Variants in CSMD1 observed in about 807,000 individuals in gnomAD.
CSMD1 encodes CUB and Sushi multiple domains 1.
Under a neutral mutation model 417.5 loss-of-function variants are expected in CSMD1, and 213 were observed. The ratio of observed to expected loss-of-function variants is 0.51; its 90% CI spans 0.46 to 0.57. CSMD1 has a LOEUF of 0.57. Among genes scored for constraint, CSMD1 ranks in the 20% least tolerant of loss-of-function variants. The pLI is 0.00. For missense variants in CSMD1, 6,923 were observed against 4,529.7 expected, an observed-to-expected ratio of 1.53 and a Z score of -15.17; for synonymous variants, 2,862 against 1,736.8, an observed-to-expected ratio of 1.65 and a Z score of -16.11.
intron 2 of CSMD1, among the ~76,000 whole-genome samples, chr8:4,465,084 G>C (rs1433930371): frequency 6.6e-6 from 1 of 152,088 alleles, no homozygotes; most frequent in Non-Finnish European, 1.5e-5. Context: ...ACCTGAAACG[G>C]AACGGTTTTC....
At chr8:4,732,935 C>T (rs900055558) in intron 1 of CSMD1, among the ~76,000 whole-genome samples, 1 of 151,904 alleles carries the variant, frequency 6.6e-6, no homozygotes, top group Non-Finnish European at 1.5e-5. Context: ...CGGGAGGCAG[C>T]AAGGGCGGAG....
At chr8:3,279,965 C>T (rs760924311) in intron 26 of CSMD1, among the ~76,000 whole-genome samples, 18 of 152,126 alleles carry the variant, frequency 1.2e-4, no homozygotes, top group African/African-American at 1.7e-4. Context: ...AGAACCTAAC[C>T]GTATCAGGAA....
rs371446976 is a variant in CSMD1, at chr8:4,196,457, C to A, written c.416-164358G>T. ...CTTTCTGAAGCCTCTTAGGGAAAATCTGTCCAATGCCGATTCAGGTGCTTT... is the reference window on the plus strand; with the variant it reads ...CTTTCTGAAGCCTCTTAGGGAAAATATGTCCAATGCCGATTCAGGTGCTTT... On this transcript the variant is annotated intron_variant, in intron 3 of 69. Coordinates refer to ENST00000635120, the MANE Select transcript of CSMD1 (RefSeq NM_033225.6). Among the ~76,000 whole-genome samples the A allele has an allele frequency of 2.4e-4, 37 of 152,256 alleles. 1 individual carries two copies. Among genetic ancestry groups the A allele is most frequent in the African/African-American group, 8.7e-4 (36 of 41,542 alleles).
chr8:3,158,485 A>C (rs1449291596), intron 38 of CSMD1, among the ~76,000 whole-genome samples: 2 of 152,140 alleles, frequency 1.3e-5, no homozygotes, highest in African/African-American at 4.8e-5. Context: ...CACAGAACGG[A>C]GACTTCACAT....
At chr8:4,844,328 A>T (rs963616584) in intron 1 of CSMD1, among the ~76,000 whole-genome samples, 11 of 152,040 alleles carry the variant, frequency 7.2e-5, no homozygotes, top group African/African-American at 2.7e-4. Context: ...TTATTGATAC[A>T]TTTTGTTTTT....
chr8:4,810,570 G>A (rs1249749625), intron 1 of CSMD1, among the ~76,000 whole-genome samples: 1 of 152,144 alleles, frequency 6.6e-6, no homozygotes, highest in South Asian at 2.1e-4. Context: ...TGTATGTGGG[G>A]GGTGGTGGCT....
At chr8:3,965,921 G>T (rs928977383) in intron 5 of CSMD1, among the ~76,000 whole-genome samples, 1 of 152,116 alleles carries the variant, frequency 6.6e-6, no homozygotes, top group Non-Finnish European at 1.5e-5. Context: ...CCGGCCAATG[G>T]TTATGATTTT....
chr8:4,922,944 A>G (rs888984835), intron 1 of CSMD1, among the ~76,000 whole-genome samples: 1 of 152,162 alleles, frequency 6.6e-6, no homozygotes, highest in Admixed American at 6.5e-5. Flanking sequence ...GTGTATATGC[A>G]TATTACACAC....
chr8:3,466,229 A>G (rs1046765277), intron 12 of CSMD1, among the ~76,000 whole-genome samples: 1 of 151,834 alleles, frequency 6.6e-6, no homozygotes, highest in Non-Finnish European at 1.5e-5. Flanking sequence ...GACGAGTCTG[A>G]TACACAAAGG....
chr8:3,220,456 A>G (rs1224776401), intron 28 of CSMD1, among the ~76,000 whole-genome samples: 1 of 152,132 alleles, frequency 6.6e-6, no homozygotes, highest in Admixed American at 6.6e-5. Context: ...AACTACGCAC[A>G]CTCTAAGAGA....
intron 1 of CSMD1, among the ~76,000 whole-genome samples, chr8:4,933,336 T>G (rs1032264589): frequency 5.9e-5 from 9 of 152,188 alleles, no homozygotes; most frequent in South Asian, 2.1e-4. Flanking sequence ...ATATGCCGTT[T>G]AAATATAGTA....
chr8:4,365,286 A>G (rs1434082147), intron 3 of CSMD1, among the ~76,000 whole-genome samples: 1 of 152,216 alleles, frequency 6.6e-6, no homozygotes, highest in Non-Finnish European at 1.5e-5. Flanking sequence ...TGTAAGTGTA[A>G]ATAAATTTAG....
intron 11 of CSMD1, among the ~76,000 whole-genome samples, chr8:3,469,409 G>A (rs997059892): frequency 6.6e-6 from 1 of 152,084 alleles, no homozygotes; most frequent in Non-Finnish European, 1.5e-5. Context: ...AAATAGATTT[G>A]GCAGCATTTA....
intron 1 of CSMD1, among the ~76,000 whole-genome samples, chr8:4,705,915 T>C (rs1224015466): frequency 6.6e-6 from 1 of 152,110 alleles, no homozygotes; most frequent in Non-Finnish European, 1.5e-5. Flanking sequence ...ACTAGGTCTA[T>C]TGTTGGTGCT....
intron 41 of CSMD1, among the ~76,000 whole-genome samples, chr8:3,132,739 C>T (rs911730683): frequency 6.6e-6 from 1 of 152,146 alleles, no homozygotes; most frequent in Non-Finnish European, 1.5e-5. Context: ...AACTATTCAC[C>T]ATATCATTCC....
At chr8:4,994,279 C>T in intron 1 of CSMD1, 53 bp downstream of exon 1, 2 of 1,539,132 alleles carry the variant, frequency 1.3e-6, no homozygotes, top group Non-Finnish European at 1.8e-6. Context: ...CGTCCGCACA[C>T]GGGGCCTCCG....
chr8:4,600,244 C>G (rs1037719180), intron 2 of CSMD1, among the ~76,000 whole-genome samples: 2 of 152,006 alleles, frequency 1.3e-5, no homozygotes, highest in African/African-American at 4.8e-5. Context: ...TCTACTCTCT[C>G]TCTCTCCCAC....
chr8:4,389,289 A>G (rs1244983870), intron 3 of CSMD1, among the ~76,000 whole-genome samples: 1 of 152,200 alleles, frequency 6.6e-6, no homozygotes. Flanking sequence ...GGAGAATTAG[A>G]AAATGCGATC....
At chr8:3,701,255 G>A (rs1188961927) in intron 7 of CSMD1, among the ~76,000 whole-genome samples, 1 of 152,158 alleles carries the variant, frequency 6.6e-6, no homozygotes, top group African/African-American at 2.4e-5. Context: ...TCTGGAATTG[G>A]ATCATCTCGG....
Sources: gnomAD v4.1 joint callset for allele counts (sites outside exome capture counted in the v4.1 genomes callset) on GRCh38, gnomAD v4.1.1 for gene constraint, MANE v1.5 for transcripts, NCBI Gene and HGNC (gene_info 2026-07-23, HGNC 2026-07-21) for gene names.